NUP98: variants seen among roughly 807,000 people sequenced by gnomAD.
NUP98 encodes the protein nuclear pore complex protein Nup98-Nup96.
A neutral mutation model predicts 191.9 loss-of-function variants in NUP98; 26 were observed. The ratio of observed to expected loss-of-function variants is 0.14; its 90% CI spans 0.10 to 0.19. The LOEUF (loss-of-function observed/expected upper bound fraction) is 0.19. Ranked by LOEUF, NUP98 falls within the 10% of genes least tolerant of loss-of-function variation. The pLI, the probability that NUP98 is intolerant of heterozygous loss-of-function variation, is 1.00. For missense variants in NUP98, 1,941 were observed against 2,178.8 expected (o/e 0.89, Z 2.17); for synonymous variants, 808 against 778.4 (o/e 1.04, Z -0.63).
At chr11:3,727,667 G>A (rs1036567275) in intron 14 of NUP98, among the ~76,000 whole-genome samples, 33 of 152,176 alleles carry the variant, frequency 2.2e-4, no homozygotes, top group African/African-American at 6.7e-4. Flanking sequence ...TTCAAGACAA[G>A]CCTGAGTAAC....
chr11:3,784,582 AAAC>A (rs1474466918), intron 1 of NUP98, among the ~76,000 whole-genome samples: 1 of 98,428 alleles, frequency 1.0e-5, no homozygotes, highest in Admixed American at 9.5e-5. Flanking sequence ...TCTCTATTAA[AAAC>A]AAAAAAAAAA....
intron 27 of NUP98, among the ~76,000 whole-genome samples, chr11:3,691,877 C>T (rs530172489): frequency 1.8e-4 from 28 of 152,212 alleles, no homozygotes; most frequent in African/African-American, 6.5e-4. Context: ...GTTTCAAATT[C>T]TTAAGACACC....
At chr11:3,743,957 G>A (rs2080391321) in intron 12 of NUP98, among the ~76,000 whole-genome samples, 1 of 152,098 alleles carries the variant, frequency 6.6e-6, no homozygotes. Flanking sequence ...TACTCAGGAA[G>A]CTGAGGCAGA....
chr11:3,746,270 A>AG (rs1491289952), intron 11 of NUP98, among the ~76,000 whole-genome samples: 1 of 120,666 alleles, frequency 8.3e-6, no homozygotes, highest in African/African-American at 3.2e-5. Flanking sequence ...ACTTTATCTC[A>AG]AAAAAAAAAA....
chr11:3,737,489 T>C (rs1041684664), intron 12 of NUP98, among the ~76,000 whole-genome samples: 2 of 152,054 alleles, frequency 1.3e-5, no homozygotes, highest in Admixed American at 6.6e-5. Flanking sequence ...TAGCCAGGCA[T>C]GGTGGTGGGC....
At chr11:3,693,168 C>T in intron 27 of NUP98, 64 bp downstream of exon 27, 3 of 1,556,528 alleles carry the variant, frequency 1.9e-6, no homozygotes, top group Non-Finnish European at 2.6e-6. Flanking sequence ...CCTGGCTCCG[C>T]TTCAATTTGA....
At position 3,679,672 on chromosome 11, in the gene NUP98, C is replaced by G. The variant is rs1471379142; in HGVS notation, c.4955G>C (p.Gly1652Ala). Reference sequence around the variant, plus strand: ...TGGAGGTGCCAGGTCTTCCAAGAACCCCTTCAGGTAGTCATAGTTCTCATT... The same window carrying G: ...TGGAGGTGCCAGGTCTTCCAAGAACGCCTTCAGGTAGTCATAGTTCTCATT... ...IINENYDYLK[G>A]FLEDLAPPER... The change falls in exon 31 of 33, where the codon GGG becomes GCG. Residue 1652 changes from glycine (G) to alanine (A), a missense_variant. This residue lies in a region of NUP98 where 1,030 missense variants were observed against 1,115.8 expected (regional missense o/e 0.92). Coordinates refer to ENST00000324932, the MANE Select transcript of NUP98 (RefSeq NM_016320.5). The G allele has an allele frequency of 6.2e-7, 1 of 1,613,958 alleles. No homozygotes were observed. The highest frequency in any genetic ancestry group is 8.5e-7 in the Non-Finnish European group (1 of 1,179,986).
intron 23 of NUP98, 126 bp downstream of exon 23, chr11:3,702,337 T>G (rs1280440555): frequency 8.4e-6 from 2 of 236,966 alleles, no homozygotes; most frequent in Non-Finnish European, 1.6e-5. Flanking sequence ...TCTCTCTCTC[T>G]CTCTCTCTCT....
At chr11:3,702,939 A>C (rs760185411) in intron 22 of NUP98, 47 bp from the exon 23 acceptor site, 2 of 1,451,706 alleles carry the variant, frequency 1.4e-6, no homozygotes, top group Non-Finnish European at 1.9e-6. Context: ...TACAAAACAC[A>C]AGCTATTGTT....
Position 3,683,282 on chromosome 11 carries a change from G to C in NUP98, c.4836C>G (p.Asp1612Glu). Residue 1612 changes from aspartate (D) to glutamate (E), a missense_variant, in exon 30 of 33, where the codon GAC becomes GAG. Physicochemically the swap from Asp to Glu is conservative, Grantham distance 45 (BLOSUM62 2). Coordinates refer to ENST00000324932, the MANE Select transcript of NUP98 (RefSeq NM_016320.5). ...AKAVRAHMES[D>E]KHLEALCLFK... ...ATAAGCAAAGGGCCTCTAAGTGCTT[G>C]TCAGATTCCATGTGTGCTCGCACAG... The C allele has an allele frequency of 6.2e-7, 1 of 1,614,196 alleles. No individual in the cohort carries two copies. Among genetic ancestry groups the C allele is most frequent in the Non-Finnish European group, 8.5e-7 (1 of 1,180,040 alleles).
At chr11:3,738,087 CAAAAAAAAAA>C (rs61502115) in intron 12 of NUP98, among the ~76,000 whole-genome samples, 6 of 69,734 alleles carry the variant, frequency 8.6e-5, no homozygotes, top group Non-Finnish European at 1.5e-4. Flanking sequence ...TGGGCGTTCT[CAAAAAAAAAA>C]AAAAAAAAAA....
chr11:3,689,803 T>C (rs2078250417), intron 28 of NUP98, among the ~76,000 whole-genome samples: 1 of 151,450 alleles, frequency 6.6e-6, no homozygotes, highest in South Asian at 2.1e-4. Context: ...CATGGCTAAT[T>C]TTTTTTTACT....
In NUP98 at chr11:3,683,237, G is replaced by A. The variant is rs61879787; in HGVS notation, c.4881C>T (p.Asn1627=). ...GTCGGATGATGAGCTTGTGGCAGCGGTTCCAGTGCTCAGCCTTAAATAAGC... is the reference window on the plus strand; with the variant it reads ...GTCGGATGATGAGCTTGTGGCAGCGATTCCAGTGCTCAGCCTTAAATAAGC... The part of the protein sequence containing the change: ...ALCLFKAEHW[N]RCHKLIIRHL... Residue 1627 remains asparagine (N), a synonymous_variant, in exon 30 of 33, where the codon AAC becomes AAT. Transcript: ENST00000324932. 2 of 1,614,148 alleles carry A rather than the reference G, an allele frequency of 1.2e-6. No individual in the cohort carries two copies. Among genetic ancestry groups the A allele is most frequent in the Non-Finnish European group, 1.7e-6 (2 of 1,180,024 alleles).
intron 4 of NUP98, among the ~76,000 whole-genome samples, chr11:3,776,520 G>A: frequency 6.8e-6 from 1 of 146,462 alleles, no homozygotes; most frequent in African/African-American, 2.5e-5. Flanking sequence ...GTCTCGCTGT[G>A]TAGCCCAGGC....
Position 3,676,552 on chromosome 11 carries a change from C to T in NUP98, c.5142G>A (p.Glu1714=), listed in dbSNP as rs1345455866. The T allele has an allele frequency of 6.2e-7, 1 of 1,614,078 alleles. No individual in the cohort carries two copies. The highest frequency in any genetic ancestry group is 8.5e-7 in the Non-Finnish European group (1 of 1,180,034). Residue 1714 remains glutamate (E), a synonymous_variant, in exon 32 of 33, where the codon GAG becomes GAA. Transcript: ENST00000324932. Reference sequence around the variant, plus strand: ...CTTTAGCACTGTAACACTGAATCTGCTCTATCCGACTGCACAGTGAAGTCA... The same window carrying T: ...CTTTAGCACTGTAACACTGAATCTGTTCTATCCGACTGCACAGTGAAGTCA... ...IKVTSLCSRI[E]QIQCYSAKDR...
At position 3,787,765 on chromosome 11, in the gene NUP98, G is replaced by A. The variant is rs868397158; in HGVS notation, c.-28-5620C>T. ...TCCCAGCACTCCGGGAAGCAGAGGC[G>A]GGCAGATCACGAGGTCAAGAGATCG... On this transcript the variant is annotated intron_variant, in intron 1 of 32. Coordinates refer to ENST00000324932, the MANE Select transcript of NUP98 (RefSeq NM_016320.5). Among the ~76,000 whole-genome samples, 3 of 152,012 alleles carry A rather than the reference G, an allele frequency of 2.0e-5. 1 individual carries two copies. The highest frequency in any genetic ancestry group is 4.4e-5 in the Non-Finnish European group (3 of 68,006).
intron 26 of NUP98, among the ~76,000 whole-genome samples, chr11:3,695,230 T>A (rs1026515660): frequency 6.6e-6 from 1 of 152,244 alleles, no homozygotes; most frequent in African/African-American, 2.4e-5. Context: ...TTTACCACTA[T>A]ATGATATGGG....
Position 3,744,749 on chromosome 11 carries a change from T to G in NUP98, c.1268-100A>C. On this transcript the variant is annotated intron_variant, in intron 11 of 32. Transcript: ENST00000324932. ...AAATATAATACATTTGGAAACTTCA[T>G]AGTGACCACTCATTTCAACAAAGGG... 2 of 1,325,148 alleles carry G rather than the reference T, an allele frequency of 1.5e-6. 1 individual carries two copies. The highest frequency in any genetic ancestry group is 3.0e-5 in the South Asian group (2 of 66,090). The allele number at this position is 1,325,148 out of a possible 1,614,324, so 82.1% of individuals were successfully genotyped here.
rs201832458 is a variant in NUP98, at chr11:3,705,412, C to CA, written c.2926-57dup. The stretch of plus-strand genomic sequence containing the variant: ...GCTTCCCAGAATCAAAAGGCCATAC[C>CA]AAAAAAAAATGCAGTTTACAACAAC... On this transcript the variant is annotated intron_variant, in intron 21 of 32. Transcript: ENST00000324932. The CA allele has an allele frequency of 8.0e-4, 1,214 of 1,522,970 alleles. 2 individuals carry two copies. In the African/African-American group the frequency reaches 9.6e-3, roughly 12 times the overall value. 94.3% of individuals were successfully genotyped at this position (1,522,970 alleles called of 1,614,324 possible).
Sources: allele counts gnomAD v4.1 joint callset (sites outside exome capture counted in the v4.1 genomes callset), GRCh38; gene constraint gnomAD v4.1.1; regional missense constraint gnomAD v4.1.1; transcripts MANE v1.5; gene names NCBI Gene and HGNC (gene_info 2026-07-23, HGNC 2026-07-21).